AMPD3: variants seen among roughly 807,000 people sequenced by gnomAD.
AMPD3 encodes the protein AMP deaminase 3.
In AMPD3, 57 loss-of-function variants were observed where a neutral mutation model predicts 82.3. The ratio of observed to expected loss-of-function variants is 0.69; its 90% confidence interval spans 0.56 to 0.86. The LOEUF (loss-of-function observed/expected upper bound fraction) is 0.86. Among genes scored for constraint, AMPD3 ranks in the 40% least tolerant of loss-of-function variants. AMPD3 has a pLI of 0.00. For synonymous variants in AMPD3, 381 were observed against 394.7 expected (o/e 0.97, Z 0.41); for missense variants, 870 against 1,003.8 (o/e 0.87, Z 1.80).
At chr11:10,494,604 A>C (rs886137595) in intron 7 of AMPD3, 15 of 985,292 alleles carry the variant, frequency 1.5e-5, no homozygotes, top group African/African-American at 7.0e-5. Flanking sequence ...TCTATTATTC[A>C]GTGGTGCAGC....
At chr11:10,502,639 C>G in intron 12 of AMPD3, 82 bp from the exon 13 acceptor site, 1 of 1,589,206 alleles carries the variant, frequency 6.3e-7, no homozygotes, top group Non-Finnish European at 8.6e-7. Flanking sequence ...CTGGTGAATG[C>G]TTCTTCCCTT....
At chr11:10,493,879 ATTAAAACACTAAATGAT>A in intron 7 of AMPD3, among the ~76,000 whole-genome samples, 1 of 152,230 alleles carries the variant, frequency 6.6e-6, no homozygotes, top group East Asian at 1.9e-4. Flanking sequence ...TTAAAAAAAT[ATTAAAACACTAAATGAT>A]GGTGTAACTG....
rs1256168666 is a variant in AMPD3, at chr11:10,501,467, C to T, written c.1722-3C>T. On this transcript the variant is annotated splice_region_variant and splice_polypyrimidine_tract_variant and intron_variant, in intron 11 of 14. Transcript: ENST00000396553. ...CCTGATTCGGAAACCCCTTCTCTTA[C>T]AGGGAGCGCGGCCTGAGCACGTTCC... 3.1e-6 allele frequency: 5 copies of T among 1,613,864 alleles called. No homozygotes were observed. The highest frequency in any genetic ancestry group is 4.2e-6 in the Non-Finnish European group (5 of 1,179,806).
chr11:10,460,032 CATATATAAAATATATATTATAT>C (rs1848212366), intron 1 of AMPD3, among the ~76,000 whole-genome samples: 2 of 144,316 alleles, frequency 1.4e-5, no homozygotes, highest in African/African-American at 2.6e-5. Context: ...TGTATGTATA[CATATATAAAATATATATTATAT>C]ATAATATATA....
At chr11:10,498,457 G>T (rs533583366) in intron 10 of AMPD3, 2 of 152,700 alleles carry the variant, frequency 1.3e-5, no homozygotes, top group Admixed American at 1.3e-4. Flanking sequence ...GCTTCAGCTG[G>T]ATAGAGCTCT....
At chr11:10,464,583 A>G (rs1848364196) in intron 2 of AMPD3, among the ~76,000 whole-genome samples, 1 of 152,186 alleles carries the variant, frequency 6.6e-6, no homozygotes, top group Non-Finnish European at 1.5e-5. Context: ...GAAACTGGTC[A>G]AAGCTCCCGC....
chr11:10,450,788 C>A (rs1014509276), upstream of AMPD3: 3 of 1,172,646 alleles, frequency 2.6e-6, no homozygotes, highest in African/African-American at 1.6e-5. Flanking sequence ...GGGGGCTGCA[C>A]GCGGCTGGCC....
At chr11:10,455,738 A>G (rs563573484) in intron 1 of AMPD3, among the ~76,000 whole-genome samples, 1 of 151,980 alleles carries the variant, frequency 6.6e-6, no homozygotes, top group African/African-American at 2.4e-5. Context: ...TCCCTTTCAG[A>G]GGAGGAGGGG....
intron 11 of AMPD3, chr11:10,500,641 T>C (rs1398026099): frequency 1.0e-6 from 1 of 985,360 alleles, no homozygotes; most frequent in Non-Finnish European, 1.2e-6. Flanking sequence ...GGTCACTTAC[T>C]GCCACACCAA....
At chr11:10,495,914 C>G (rs1247013351) in intron 9 of AMPD3, among the ~76,000 whole-genome samples, 181 bp downstream of exon 9, 1 of 143,044 alleles carries the variant, frequency 7.0e-6, no homozygotes, top group Non-Finnish European at 1.5e-5. Context: ...GACACTAGAG[C>G]TCTTTTTTTT....
At position 10,493,531 on chromosome 11, in the gene AMPD3, G is replaced by C; in HGVS notation, c.1122G>C (p.Leu374=). The change falls in exon 7 of 15, where the codon CTG becomes CTC. Residue 374 remains leucine (L), a synonymous_variant. Coordinates refer to ENST00000396553, the MANE Select transcript of AMPD3 (RefSeq NM_001025389.2). ...CCTACGACCTCACTGTGGACTCACT[G>C]GATGTCCACGCGGTGAGTGAGCTTC... is the stretch of plus-strand genomic sequence containing the variant. ...MDPYDLTVDS[L]DVHAGRQTFH... is the part of the protein sequence containing the mutation. 1 of 1,614,046 alleles carries C rather than the reference G, an allele frequency of 6.2e-7. No individual in the cohort carries two copies. The highest frequency in any genetic ancestry group is 8.5e-7 in the Non-Finnish European group (1 of 1,179,942).
intron 8 of AMPD3, chr11:10,495,282 T>A (rs1338635165): frequency 1.0e-6 from 1 of 985,342 alleles, no homozygotes; most frequent in Non-Finnish European, 1.2e-6. Flanking sequence ...CTGGCCTGGC[T>A]TTCGTGTCTC....
At chr11:10,502,096 C>T (rs1398150586) in intron 12 of AMPD3, 1 of 985,444 alleles carries the variant, frequency 1.0e-6, no homozygotes, top group Non-Finnish European at 1.2e-6. Context: ...CACTGGTGTA[C>T]CCTTGAGCTC....
At chr11:10,467,567 G>T (rs1033681581) in intron 2 of AMPD3, among the ~76,000 whole-genome samples, 23 of 152,300 alleles carry the variant, frequency 1.5e-4, no homozygotes, top group African/African-American at 5.5e-4. Flanking sequence ...GTGACGGGGA[G>T]AATCGAAACA....
chr11:10,478,155 G>A (rs1304405740), intron 2 of AMPD3: 1 of 985,374 alleles, frequency 1.0e-6, no homozygotes, highest in Non-Finnish European at 1.2e-6. Context: ...CCACACTGTG[G>A]GGAAAGCCTG....
Position 10,484,766 on chromosome 11 carries a change from A to G in AMPD3, c.590-54A>G, listed in dbSNP as rs1056420583. The G allele has an allele frequency of 1.9e-6, 3 of 1,595,594 alleles. No individual in the cohort carries two copies. In the South Asian group the frequency reaches 3.3e-5, roughly 18 times the overall value. ...GCAGGCCTCCGTGTCTTTTGAGCCC[A>G]TGTGTGCTCACAAGGTCAGGGGCAC... On this transcript the variant is annotated intron_variant, in intron 4 of 14. Coordinates refer to ENST00000396553, the MANE Select transcript of AMPD3 (RefSeq NM_001025389.2).
intron 3 of AMPD3, 140 bp downstream of exon 3, chr11:10,478,870 AAGG>A: frequency 2.1e-6 from 2 of 971,324 alleles, no homozygotes; most frequent in Non-Finnish European, 3.2e-6. Flanking sequence ...CACAGGAGAC[AAGG>A]AGGGCCCTAG....
chr11:10,497,931 G>T (rs1849467199), intron 10 of AMPD3, among the ~76,000 whole-genome samples: 1 of 152,170 alleles, frequency 6.6e-6, no homozygotes, highest in Non-Finnish European at 1.5e-5. Flanking sequence ...GGTGCGTGTT[G>T]GACACGGTGT....
intron 9 of AMPD3, chr11:10,496,484 C>T: frequency 1.0e-6 from 1 of 985,402 alleles, no homozygotes. Context: ...AGCTGAGTAA[C>T]AGAATGTTTG....
Sources: gnomAD v4.1 joint callset for allele counts (sites outside exome capture counted in the v4.1 genomes callset) on GRCh38, gnomAD v4.1.1 for gene constraint, MANE v1.5 for transcripts, NCBI Gene and HGNC (gene_info 2026-07-23, HGNC 2026-07-21) for gene names.